The following METAP1 variants were observed in gnomAD, a reference collection of about 807,000 sequenced individuals.
The protein encoded by METAP1 is methionine aminopeptidase 1.
Under a neutral mutation model 53.8 loss-of-function variants are expected in METAP1, and 28 were observed. That is an observed-to-expected ratio of 0.52 (90% CI 0.39 to 0.71). The LOEUF is 0.71. METAP1 is among the 30% of genes least tolerant of loss of function. The pLI is 0.00. For missense variants in METAP1, 389 were observed against 479.8 expected, an observed-to-expected ratio of 0.81 and a Z score of 1.77; for synonymous variants, 181 against 165.7, an observed-to-expected ratio of 1.09 and a Z score of -0.71.
intron 1 of METAP1, chr4:99,026,694 G>A (rs901661761): frequency 1.0e-6 from 1 of 985,234 alleles, no homozygotes; most frequent in Non-Finnish European, 1.2e-6. Context: ...TTCTACTGGG[G>A]AATAAGAGGA....
At chr4:99,046,437 C>G (rs1726240783) in intron 8 of METAP1, among the ~76,000 whole-genome samples, 1 of 152,116 alleles carries the variant, frequency 6.6e-6, no homozygotes. Context: ...AAGTTCTTAA[C>G]AGCATCTTGT....
At chr4:99,009,246 T>C (rs1184835329) in intron 1 of METAP1, among the ~76,000 whole-genome samples, 5 of 152,224 alleles carry the variant, frequency 3.3e-5, no homozygotes, top group African/African-American at 1.2e-4. Context: ...GTGTACCGCA[T>C]GTTGTGTTTA....
At chr4:99,052,188 A>T (rs1156642584) in intron 9 of METAP1, among the ~76,000 whole-genome samples, 9 of 152,206 alleles carry the variant, frequency 5.9e-5, no homozygotes, top group Admixed American at 5.9e-4. Context: ...CTCTATTGCT[A>T]AAAAATGCTA....
intron 3 of METAP1, among the ~76,000 whole-genome samples, chr4:99,034,764 G>C (rs1169556618): frequency 6.6e-6 from 1 of 152,074 alleles, no homozygotes; most frequent in Non-Finnish European, 1.5e-5. Flanking sequence ...GCAGAACCAG[G>C]AGATATGGAG....
At chr4:99,010,708 T>G (rs1225759982) in intron 1 of METAP1, among the ~76,000 whole-genome samples, 1 of 152,232 alleles carries the variant, frequency 6.6e-6, no homozygotes, top group Non-Finnish European at 1.5e-5. Context: ...CTGCAAAATA[T>G]GCCATTGGGA....
At chr4:98,996,020 G>T (rs1722602392) in intron 1 of METAP1, among the ~76,000 whole-genome samples, 153 bp downstream of exon 1, 1 of 151,866 alleles carries the variant, frequency 6.6e-6, no homozygotes, top group Non-Finnish European at 1.5e-5. Context: ...CGTCGCCACC[G>T]CCCCCTCCTG....
At chr4:99,045,390 A>G (rs1579316905) in intron 8 of METAP1, 80 bp downstream of exon 8, 2 of 1,528,652 alleles carry the variant, frequency 1.3e-6, no homozygotes, top group East Asian at 4.7e-5. Flanking sequence ...AGTTCTGTGC[A>G]TTCCTTGTAC....
chr4:99,044,936 A>G (rs562917998), intron 7 of METAP1, among the ~76,000 whole-genome samples: 1 of 152,350 alleles, frequency 6.6e-6, no homozygotes, highest in South Asian at 2.1e-4. Flanking sequence ...TACAATTACT[A>G]TAAGAGTATA....
At chr4:99,033,605 T>C (rs978245895) in intron 2 of METAP1, among the ~76,000 whole-genome samples, 3 of 152,230 alleles carry the variant, frequency 2.0e-5, no homozygotes, top group African/African-American at 7.2e-5. Context: ...TGCTGAACTT[T>C]AAACAGACCG....
At chr4:99,055,726 C>T (rs1284769881) in intron 9 of METAP1, among the ~76,000 whole-genome samples, 1 of 152,186 alleles carries the variant, frequency 6.6e-6, no homozygotes, top group Admixed American at 6.5e-5. Flanking sequence ...CAAGTACTTT[C>T]TAGCTATACA....
intron 1 of METAP1, among the ~76,000 whole-genome samples, chr4:99,000,290 C>G (rs1403255078): frequency 6.6e-6 from 1 of 152,146 alleles, no homozygotes; most frequent in East Asian, 1.9e-4. Context: ...CCTGAGTGAT[C>G]TGTAACTATT....
At chr4:99,042,057 T>C (rs968918906) in intron 6 of METAP1, among the ~76,000 whole-genome samples, 5 of 151,920 alleles carry the variant, frequency 3.3e-5, no homozygotes, top group Non-Finnish European at 7.4e-5. Flanking sequence ...GGTACTATTG[T>C]AATCTCCGTT....
chr4:99,010,771 T>G (rs1723427655), intron 1 of METAP1, among the ~76,000 whole-genome samples: 1 of 152,262 alleles, frequency 6.6e-6, no homozygotes, highest in Non-Finnish European at 1.5e-5. Flanking sequence ...TATTGATATC[T>G]TAACCTTATC....
intron 8 of METAP1, 54 bp from the exon 9 acceptor site, chr4:99,048,679 T>TGCTTAGTA: frequency 6.4e-7 from 1 of 1,561,458 alleles, no homozygotes; most frequent in East Asian, 2.2e-5. Flanking sequence ...TGATAGTAAT[T>TGCTTAGTA]GCTTAGTACG....
rs780398123 is a variant in METAP1 at position 99,034,220 on chromosome 4, C to T, written c.167-10C>T. 1.4e-5 allele frequency: 21 copies of T among 1,490,504 alleles called. No individual in the cohort carries two copies. Among genetic ancestry groups the T allele is most frequent in the South Asian group, 8.5e-5 (7 of 82,704 alleles). 92.3% of individuals were successfully genotyped at this position (1,490,504 alleles called of 1,614,324 possible). On this transcript the variant is annotated splice_polypyrimidine_tract_variant and intron_variant, in intron 2 of 10. Transcript: ENST00000296411. ...CTCCTTCCTCTCATATCTATTCCTC[C>T]GTCTCCCAGAAGATGAAAAGGCGAA...
At chr4:99,012,652 G>GT (rs78437310) in intron 1 of METAP1, among the ~76,000 whole-genome samples, 37,980 of 90,296 alleles carry the variant, frequency 0.42, 9,769 homozygotes, top group South Asian at 0.56. Flanking sequence ...ATCCCATAAA[G>GT]TTTTTTTTTT....
intron 1 of METAP1, among the ~76,000 whole-genome samples, chr4:98,996,965 A>G (rs746431830): frequency 1.1e-4 from 16 of 152,214 alleles, no homozygotes; most frequent in Non-Finnish European, 2.2e-4. Flanking sequence ...TCTGAGTTCC[A>G]GTGTTACACT....
intron 5 of METAP1, among the ~76,000 whole-genome samples, chr4:99,040,197 T>C (rs1368406903): frequency 6.6e-6 from 1 of 152,210 alleles, no homozygotes; most frequent in East Asian, 1.9e-4. Flanking sequence ...TCACAAGTCA[T>C]CATAACATAG....
At chr4:99,028,970 GC>G (rs1032523235) in intron 2 of METAP1, 52 bp downstream of exon 2, 1 of 1,243,938 alleles carries the variant, frequency 8.0e-7, no homozygotes, top group African/African-American at 1.5e-5. Flanking sequence ...TGGCATTTGT[GC>G]CAGAAAACAA....
Sources: allele counts gnomAD v4.1 joint callset (sites outside exome capture counted in the v4.1 genomes callset), GRCh38; gene constraint gnomAD v4.1.1; transcripts MANE v1.5; gene names NCBI Gene and HGNC (gene_info 2026-07-23, HGNC 2026-07-21).